MERTK: variants seen among roughly 807,000 people sequenced by gnomAD.
MERTK encodes MER proto-oncogene, tyrosine kinase, also known as tyrosine-protein kinase Mer.
MERTK carries 69 observed loss-of-function variants against 99.3 expected under a neutral mutation model. The ratio of observed to expected loss-of-function variants is 0.70; its 90% CI spans 0.57 to 0.85. The LOEUF (loss-of-function observed/expected upper bound fraction) is 0.85, where lower values mean the gene tolerates loss of function less well. Among genes scored for constraint, MERTK ranks in the 40% least tolerant of loss-of-function variants. The pLI, the probability that MERTK is intolerant of heterozygous loss-of-function variation, is 0.00. For synonymous variants in MERTK, 426 were observed against 467.6 expected (o/e 0.91, Z 1.15); for missense variants, 1,125 against 1,249.4 (o/e 0.90, Z 1.50).
chr2:111,947,694 G>C, intron 4 of MERTK, 127 bp downstream of exon 4: 1 of 1,117,104 alleles, frequency 9.0e-7, no homozygotes, highest in Middle Eastern at 2.8e-4. Flanking sequence ...TGGCAGCAAA[G>C]TTATGGGACC....
chr2:111,935,567 A>C (rs1040088693), intron 2 of MERTK, among the ~76,000 whole-genome samples: 1 of 151,770 alleles, frequency 6.6e-6, no homozygotes, highest in Non-Finnish European at 1.5e-5. Context: ...GTACTCTGGA[A>C]AGACTAAGGG....
At chr2:111,965,013 C>T (rs761346796) in intron 4 of MERTK, among the ~76,000 whole-genome samples, 178 bp from the exon 5 acceptor site, 2 of 152,194 alleles carry the variant, frequency 1.3e-5, no homozygotes, top group African/African-American at 2.4e-5. Context: ...GCTCTTGGTG[C>T]CTTGGGTTTA....
Position 111,929,544 on chromosome 2 carries a change from T to C in MERTK, c.482+4T>C, listed in dbSNP as rs1272222570. On this transcript the variant is annotated splice_donor_region_variant and intron_variant, in intron 2 of 18. Transcript: ENST00000295408. ...CAGCAATAATCGCTTCCTTCAGGTA[T>C]GTGTTCTTTCTTCCTTTTTTATTTT... 2.5e-6 allele frequency: 4 copies of C among 1,592,482 alleles called. No individual in the cohort carries two copies. The highest frequency in any genetic ancestry group is 3.4e-6 in the Non-Finnish European group (4 of 1,169,938).
chr2:111,962,514 T>A (rs1028397723), intron 4 of MERTK, among the ~76,000 whole-genome samples: 3 of 151,804 alleles, frequency 2.0e-5, no homozygotes, highest in Non-Finnish European at 4.4e-5. Flanking sequence ...GAAAAAAAAA[T>A]TTCAAATTTT....
Position 112,004,001 on chromosome 2 carries a change from G to A in MERTK, c.1867+17G>A, listed in dbSNP as rs1215729843. 1 of 1,599,246 alleles carries A rather than the reference G, an allele frequency of 6.3e-7. No individual in the cohort carries two copies. On this transcript the variant is annotated intron_variant, in intron 13 of 18. Transcript: ENST00000295408. The stretch of plus-strand genomic sequence containing the variant: ...CCATGAAGTGTGAGTTATCAGTGAT[G>A]AATCCCATTCTTCTAGGGTGGGCAG...
intron 14 of MERTK, 141 bp from the exon 15 acceptor site, chr2:112,009,807 G>C: frequency 1.4e-6 from 1 of 736,924 alleles, no homozygotes; most frequent in Non-Finnish European, 2.5e-6. Flanking sequence ...TTCTAGAACA[G>C]AGTGTGAGTT....
chr2:111,902,137 G>A (rs1476204679), intron 1 of MERTK, among the ~76,000 whole-genome samples: 2 of 151,572 alleles, frequency 1.3e-5, no homozygotes, highest in East Asian at 3.9e-4. Flanking sequence ...TGCCTGCCTT[G>A]GCCTCCCAAA....
chr2:111,902,979 A>G (rs913462846), intron 1 of MERTK, among the ~76,000 whole-genome samples: 1 of 152,126 alleles, frequency 6.6e-6, no homozygotes, highest in African/African-American at 2.4e-5. Context: ...GGGTTTCACC[A>G]TGTTGGCCAG....
chr2:111,965,108 A>G lies in MERTK; in HGVS notation c.758-83A>G. On this transcript the variant is annotated intron_variant, in intron 4 of 18. Coordinates refer to ENST00000295408, the MANE Select transcript of MERTK (RefSeq NM_006343.3). ...CAAAAGCCATGAACCAAGAAATAAA[A>G]TAATACAAAGACAACCATAGAATTG... 3.0e-6 allele frequency: 4 copies of G among 1,314,624 alleles called. No homozygotes were observed. The South Asian group carries it at 4.9e-5, about 16-fold the overall frequency. 81.4% of individuals were successfully genotyped at this position (1,314,624 alleles called of 1,614,324 possible).
chr2:111,961,491 T>A (rs1488674972), intron 4 of MERTK, among the ~76,000 whole-genome samples: 1 of 152,124 alleles, frequency 6.6e-6, no homozygotes, highest in Non-Finnish European at 1.5e-5. Flanking sequence ...AATTAAGCAA[T>A]CCAGCTTAGG....
intron 7 of MERTK, among the ~76,000 whole-genome samples, chr2:111,982,345 C>T (rs1408088160): frequency 6.6e-6 from 1 of 152,110 alleles, no homozygotes; most frequent in Non-Finnish European, 1.5e-5. Context: ...GCATGAGCCA[C>T]CATACCTGGC....
At chr2:111,987,571 A>C (rs1448912055) in intron 8 of MERTK, among the ~76,000 whole-genome samples, 1 of 152,184 alleles carries the variant, frequency 6.6e-6, no homozygotes, top group African/African-American at 2.4e-5. Context: ...ACACCATCTA[A>C]ACCAGCTGGA....
chr2:112,007,586 G>A (rs977128684), intron 13 of MERTK, among the ~76,000 whole-genome samples: 3 of 152,126 alleles, frequency 2.0e-5, no homozygotes, highest in Non-Finnish European at 2.9e-5. Context: ...GGTACTTCAT[G>A]TAAGTGGAAT....
At chr2:112,021,890 G>A (rs62162483) in intron 17 of MERTK, among the ~76,000 whole-genome samples, 15,572 of 152,120 alleles carry the variant, frequency 0.1, 1,263 homozygotes, top group East Asian at 0.45. Context: ...ACATTAAATT[G>A]AATGAGTTCA....
chr2:111,940,438 G>T, intron 2 of MERTK: 1 of 547,884 alleles, frequency 1.8e-6, no homozygotes, highest in South Asian at 1.4e-5. Context: ...AATTTGAGTA[G>T]CTTCATTAAG....
intron 1 of MERTK, among the ~76,000 whole-genome samples, chr2:111,923,956 C>A (rs1684510627): frequency 6.6e-6 from 1 of 151,898 alleles, no homozygotes; most frequent in South Asian, 2.1e-4. Flanking sequence ...GCTTTTTTTT[C>A]TTCACATTTT....
intron 6 of MERTK, among the ~76,000 whole-genome samples, chr2:111,974,226 TAAAAAA>T (rs71385852): frequency 1.7e-5 from 1 of 58,164 alleles, no homozygotes; most frequent in African/African-American, 7.1e-5. Flanking sequence ...CCACCTCTAC[TAAAAAA>T]AAAAAAAAAA....
intron 18 of MERTK, among the ~76,000 whole-genome samples, chr2:112,023,394 G>A (rs1456547909): frequency 2.0e-5 from 3 of 151,966 alleles, no homozygotes; most frequent in African/African-American, 7.3e-5. Context: ...AGCCTGGGCG[G>A]CAGAGTAAAA....
intron 4 of MERTK, 45 bp downstream of exon 4, chr2:111,947,612 A>G (rs762158182): frequency 1.2e-6 from 2 of 1,609,160 alleles, no homozygotes; most frequent in Admixed American, 3.3e-5. Flanking sequence ...CTAATAGCGG[A>G]CAGGATCAAA....
Sources: allele counts gnomAD v4.1 joint callset (sites outside exome capture counted in the v4.1 genomes callset), GRCh38; gene constraint gnomAD v4.1.1; transcripts MANE v1.5; gene names NCBI Gene and HGNC (gene_info 2026-07-23, HGNC 2026-07-21).